The following RALGPS2 variants were observed in gnomAD, a reference collection of about 807,000 sequenced individuals.
RALGPS2 encodes the protein ras-specific guanine nucleotide-releasing factor RalGPS2.
In RALGPS2, 43 loss-of-function variants were observed where a neutral mutation model predicts 86.8. The observed-to-expected ratio is 0.50, with a 90% CI of 0.39 to 0.64. The LOEUF (loss-of-function observed/expected upper bound fraction) is 0.64. RALGPS2 is among the 30% of genes least tolerant of loss of function. RALGPS2 has a pLI of 0.00. For missense variants in RALGPS2, 536 were observed against 694.6 expected (o/e 0.77, Z 2.57); for synonymous variants, 243 against 231.3 (o/e 1.05, Z -0.46).
At chr1:178,890,760 T>C (rs1228218793) in intron 14 of RALGPS2, among the ~76,000 whole-genome samples, 3 of 151,980 alleles carry the variant, frequency 2.0e-5, no homozygotes, top group African/African-American at 7.2e-5. Context: ...TAATTATCAG[T>C]GTTCCCAACT....
At position 178,886,157 on chromosome 1, in the gene RALGPS2, T is replaced by G. The variant is rs182940002; in HGVS notation, c.1192+37T>G. The G allele has an allele frequency of 1.9e-6, 3 of 1,582,494 alleles. No homozygotes were observed. In the East Asian group the frequency reaches 6.8e-5, roughly 36 times the overall value. On this transcript the variant is annotated intron_variant, in intron 13 of 19. Transcript: ENST00000367635. ...TTCTCTGAGAGGGTTGCAATTTAAC[T>G]TTAAATAAAAATGTTAATAAAACTT...
At chr1:178,822,370 AATTT>A (rs1415322339) in intron 7 of RALGPS2, among the ~76,000 whole-genome samples, 5 of 151,910 alleles carry the variant, frequency 3.3e-5, no homozygotes, top group African/African-American at 7.2e-5. Context: ...TATTCAATTA[AATTT>A]ATTTATATTC....
intron 12 of RALGPS2, 23 bp from the exon 13 acceptor site, chr1:178,885,946 T>A (rs373016460): frequency 1.9e-6 from 3 of 1,547,648 alleles, no homozygotes; most frequent in Non-Finnish European, 1.7e-6. Context: ...ATAAAAGATA[T>A]GAACTTTTTT....
Position 178,798,024 on chromosome 1 carries a change from T to TA in RALGPS2, c.214-10012dup, listed in dbSNP as rs372907580. ...AAAAAAACCACATAGCTTAGAAATATAAAAAAAAATTAAGAAAAAGGGATG... is the reference window on the plus strand; with the variant it reads ...AAAAAAACCACATAGCTTAGAAATATAAAAAAAAAATTAAGAAAAAGGGATG... On this transcript the variant is annotated intron_variant, in intron 4 of 19. Coordinates refer to ENST00000367635, the MANE Select transcript of RALGPS2 (RefSeq NM_152663.5). 4.4e-4 allele frequency among the ~76,000 whole-genome samples: 57 copies of TA among 128,902 alleles called. No homozygotes were observed. In the Middle Eastern group the frequency reaches 0.012, roughly 28 times the overall value. 84.6% of individuals were successfully genotyped at this position (128,902 alleles called of 152,430 possible). A position where few individuals can be genotyped will look rare whatever the true frequency, so the allele number is the denominator to read the frequency against.
intron 10 of RALGPS2, among the ~76,000 whole-genome samples, chr1:178,880,282 C>G (rs1659189745): frequency 6.6e-6 from 1 of 152,106 alleles, no homozygotes; most frequent in Non-Finnish European, 1.5e-5. Flanking sequence ...CAGAATTAGT[C>G]CCAGTAAATG....
intron 5 of RALGPS2, 32 bp from the exon 6 acceptor site, chr1:178,811,283 T>C (rs778323549): frequency 6.9e-7 from 1 of 1,446,010 alleles, no homozygotes; most frequent in Non-Finnish European, 9.3e-7. Flanking sequence ...TTAAAAATCA[T>C]AGTGATATTT....
intron 4 of RALGPS2, among the ~76,000 whole-genome samples, chr1:178,802,071 C>T (rs1654503499): frequency 1.3e-5 from 2 of 152,018 alleles, no homozygotes. Context: ...GAGTTAGAAA[C>T]ACCAGGCTCC....
intron 15 of RALGPS2, among the ~76,000 whole-genome samples, chr1:178,892,534 A>G (rs1341000649): frequency 1.3e-5 from 2 of 152,144 alleles, no homozygotes; most frequent in Admixed American, 6.6e-5. Flanking sequence ...TTAATGTTAC[A>G]TATTTTAAAA....
chr1:178,847,525 T>G (rs1220852239), intron 8 of RALGPS2, among the ~76,000 whole-genome samples: 1 of 152,164 alleles, frequency 6.6e-6, no homozygotes, highest in Non-Finnish European at 1.5e-5. Context: ...CATAGCCTTG[T>G]AAGTGGAATC....
At chr1:178,877,388 A>G in intron 8 of RALGPS2, 110 bp from the exon 9 acceptor site, 1 of 1,436,642 alleles carries the variant, frequency 7.0e-7, no homozygotes, top group East Asian at 2.4e-5. Flanking sequence ...TATATTTTAA[A>G]TGTAGCGTAC....
intron 7 of RALGPS2, among the ~76,000 whole-genome samples, chr1:178,831,622 G>GCCCCGCCCC (rs1558139111): frequency 1.4e-5 from 2 of 144,894 alleles, no homozygotes; most frequent in Admixed American, 1.4e-4. Context: ...TATTTTGTCC[G>GCCCCGCCCC]CCCCGCCCCC....
intron 8 of RALGPS2, among the ~76,000 whole-genome samples, chr1:178,873,397 GAC>G (rs1435430401): frequency 1.3e-5 from 2 of 151,684 alleles, no homozygotes; most frequent in Admixed American, 6.6e-5. Flanking sequence ...TAAAAATTAA[GAC>G]ACAGAGAGAT....
At chr1:178,772,465 C>T (rs1652855476) in intron 1 of RALGPS2, among the ~76,000 whole-genome samples, 1 of 152,168 alleles carries the variant, frequency 6.6e-6, no homozygotes, top group Non-Finnish European at 1.5e-5. Flanking sequence ...GATCTCAGCT[C>T]TTGTCTATTA....
At chr1:178,749,622 G>A (rs929472312) in intron 1 of RALGPS2, among the ~76,000 whole-genome samples, 1 of 152,152 alleles carries the variant, frequency 6.6e-6, no homozygotes, top group Non-Finnish European at 1.5e-5. Flanking sequence ...TTTTCTAAAC[G>A]GAGTAACACT....
At chr1:178,874,834 C>T (rs1210257138) in intron 8 of RALGPS2, among the ~76,000 whole-genome samples, 1 of 152,152 alleles carries the variant, frequency 6.6e-6, no homozygotes. Flanking sequence ...GTTGCCCAGA[C>T]TGGTCTCAAA....
chr1:178,836,075 A>G (rs1205638624), intron 8 of RALGPS2, among the ~76,000 whole-genome samples: 1 of 152,196 alleles, frequency 6.6e-6, no homozygotes, highest in Non-Finnish European at 1.5e-5. Flanking sequence ...ACATCAGTAC[A>G]GGATTGAAGC....
chr1:178,727,916 C>T (rs1650121376), intron 1 of RALGPS2, among the ~76,000 whole-genome samples: 1 of 152,092 alleles, frequency 6.6e-6, no homozygotes, highest in Non-Finnish European at 1.5e-5. Flanking sequence ...AGTAGAAACT[C>T]CTCTGATAAC....
chr1:178,852,061 C>T (rs1657207749), intron 8 of RALGPS2, among the ~76,000 whole-genome samples: 1 of 152,160 alleles, frequency 6.6e-6, no homozygotes, highest in Admixed American at 6.6e-5. Flanking sequence ...TGCCACATGT[C>T]ACAGTCATCT....
intron 13 of RALGPS2, among the ~76,000 whole-genome samples, chr1:178,886,496 C>T (rs548389310): frequency 6.6e-6 from 1 of 152,250 alleles, no homozygotes; most frequent in South Asian, 2.1e-4. Context: ...GAGTAATAAT[C>T]TGTGGGCAGT....
Sources: allele counts gnomAD v4.1 joint callset (sites outside exome capture counted in the v4.1 genomes callset), GRCh38; gene constraint gnomAD v4.1.1; transcripts MANE v1.5; gene names NCBI Gene and HGNC (gene_info 2026-07-23, HGNC 2026-07-21).